ATP11B: variants seen among roughly 807,000 people sequenced by gnomAD.
ATP11B encodes the protein phospholipid-transporting ATPase IF.
In ATP11B, 81 loss-of-function variants were observed where a neutral mutation model predicts 157.8. That is an observed-to-expected ratio of 0.51 (90% CI 0.43 to 0.62). ATP11B has a LOEUF of 0.62. ATP11B is among the 20% of genes least tolerant of loss of function. The pLI, the probability that ATP11B is intolerant of heterozygous loss-of-function variation, is 0.00. For synonymous variants in ATP11B, 451 were observed against 469.4 expected (o/e 0.96, Z 0.51); for missense variants, 1,165 against 1,402.2 (o/e 0.83, Z 2.70).
intron 28 of ATP11B, among the ~76,000 whole-genome samples, chr3:182,901,200 A>G (rs1313003252): frequency 2.6e-5 from 4 of 151,800 alleles, no homozygotes; most frequent in Non-Finnish European, 5.9e-5. Context: ...AAAAATTTTT[A>G]AAAAGTAAAA....
chr3:182,915,174 T>C (rs1725058426), intron 29 of ATP11B: 1 of 984,664 alleles, frequency 1.0e-6, no homozygotes, highest in African/African-American at 1.7e-5. Context: ...GGTGAACTTG[T>C]TAGTTCTCAC....
At position 182,873,813 on chromosome 3, in the gene ATP11B, C is replaced by T. The variant is rs148648740; in HGVS notation, c.2050C>T (p.Leu684=). Residue 684 remains leucine, a splice_region_variant and synonymous_variant, in exon 19 of 30, where the codon CTA becomes TTA. Coordinates refer to ENST00000323116, the MANE Select transcript of ATP11B (RefSeq NM_014616.3). The stretch of plus-strand genomic sequence containing the variant: ...CTAATTTGTTTCTGTTCTTTTCAGA[C>T]TACAAGATAAAGTTCGAGAAACTAT... ...LLGATAVEDR[L]QDKVRETIEA... 6.2e-7 allele frequency: 1 copy of T among 1,613,298 alleles called. No homozygotes were observed. The highest frequency in any genetic ancestry group is 2.2e-5 in the East Asian group (1 of 44,858).
intron 8 of ATP11B, chr3:182,844,079 G>A (rs1279480164): frequency 6.6e-6 from 1 of 152,082 alleles, no homozygotes; most frequent in African/African-American, 2.4e-5. Flanking sequence ...CCCTAGAATG[G>A]TTAAAAAAAT....
intron 28 of ATP11B, among the ~76,000 whole-genome samples, chr3:182,904,888 TA>T (rs1004716420): frequency 0.037 from 3,801 of 101,896 alleles, 84 homozygotes; most frequent in Admixed American, 0.052. Flanking sequence ...GACTTCTTCT[TA>T]AAAAAAAAAA....
chr3:182,817,169 A>ATC (rs1717014798), intron 1 of ATP11B, among the ~76,000 whole-genome samples: 1 of 152,216 alleles, frequency 6.6e-6, no homozygotes, highest in Non-Finnish European at 1.5e-5. Context: ...AAAGTTTGTC[A>ATC]TCATTCTCCT....
intron 10 of ATP11B, among the ~76,000 whole-genome samples, chr3:182,849,615 A>G (rs1268983287): frequency 6.6e-6 from 1 of 152,216 alleles, no homozygotes; most frequent in Non-Finnish European, 1.5e-5. Context: ...CATAATTACT[A>G]AAATGGAAAC....
intron 6 of ATP11B, 81 bp from the exon 7 acceptor site, chr3:182,836,990 T>C (rs1275717433): frequency 3.2e-6 from 3 of 949,950 alleles, no homozygotes; most frequent in Non-Finnish European, 5.0e-6. Flanking sequence ...TTACTTTACC[T>C]ATAAAAGAGA....
chr3:182,806,133 A>G (rs903042953), intron 1 of ATP11B, among the ~76,000 whole-genome samples: 2 of 152,002 alleles, frequency 1.3e-5, no homozygotes, highest in Non-Finnish European at 2.9e-5. Flanking sequence ...ATTTAGCTAG[A>G]TACAGAATTC....
chr3:182,889,074 G>A (rs917960672), intron 24 of ATP11B, among the ~76,000 whole-genome samples: 2 of 151,674 alleles, frequency 1.3e-5, no homozygotes, highest in Non-Finnish European at 1.5e-5. Flanking sequence ...TGTTGGCCAG[G>A]ATGGTCTTGA....
intron 8 of ATP11B, among the ~76,000 whole-genome samples, chr3:182,845,000 TTTTTTA>T (rs1560081806): frequency 1.8e-4 from 21 of 114,174 alleles, no homozygotes; most frequent in South Asian, 8.1e-4. Flanking sequence ...TTTTATTTTT[TTTTTTA>T]TTTTTTTTTA....
At chr3:182,860,850 C>A (rs1720776586) in intron 12 of ATP11B, among the ~76,000 whole-genome samples, 1 of 152,056 alleles carries the variant, frequency 6.6e-6, no homozygotes, top group African/African-American at 2.4e-5. Context: ...ATAATCTATT[C>A]TTTTACCTCC....
intron 19 of ATP11B, among the ~76,000 whole-genome samples, chr3:182,876,598 A>G (rs988428989): frequency 6.6e-6 from 1 of 152,228 alleles, no homozygotes. Flanking sequence ...AGCAAGTTGT[A>G]TAGTGAGGGC....
chr3:182,800,784 GA>G (rs1197741482), intron 1 of ATP11B, among the ~76,000 whole-genome samples: 1 of 89,384 alleles, frequency 1.1e-5, no homozygotes, highest in Non-Finnish European at 2.4e-5. Flanking sequence ...AAATTCTTTT[GA>G]TTTTTTTTTT....
At chr3:182,811,748 G>T (rs952175645) in intron 1 of ATP11B, among the ~76,000 whole-genome samples, 5 of 152,142 alleles carry the variant, frequency 3.3e-5, no homozygotes, top group African/African-American at 1.2e-4. Context: ...CCCAATTTAA[G>T]TTGTTTATAT....
chr3:182,883,727 G>A (rs113920648), intron 21 of ATP11B, among the ~76,000 whole-genome samples: 17,962 of 150,562 alleles, frequency 0.12, 1,198 homozygotes, highest in African/African-American at 0.18. Context: ...AGGCCGAGGC[G>A]GGCGGATCAC....
intron 13 of ATP11B, 53 bp downstream of exon 13, chr3:182,865,751 C>CAACTACTGAAG: frequency 6.9e-7 from 1 of 1,456,236 alleles, no homozygotes; most frequent in Non-Finnish European, 9.3e-7. Flanking sequence ...TAATTCTCTT[C>CAACTACTGAAG]AGTAGTTGAT....
At chr3:182,862,489 G>T (rs1720917986) in intron 12 of ATP11B, among the ~76,000 whole-genome samples, 1 of 152,102 alleles carries the variant, frequency 6.6e-6, no homozygotes, top group Admixed American at 6.5e-5. Context: ...ATTCTGTCCA[G>T]TTCAGCCTAC....
At chr3:182,801,972 A>T (rs1206512994) in intron 1 of ATP11B, among the ~76,000 whole-genome samples, 2 of 152,192 alleles carry the variant, frequency 1.3e-5, no homozygotes, top group African/African-American at 4.8e-5. Flanking sequence ...CTCTGTGGGG[A>T]GAAGAAATCA....
chr3:182,842,245 G>A (rs376674648), intron 8 of ATP11B, 123 bp downstream of exon 8: 15 of 705,766 alleles, frequency 2.1e-5, no homozygotes, highest in East Asian at 1.3e-4. Context: ...TAATTTTGTT[G>A]TGTTTTGTTT....
Sources: gnomAD v4.1 joint callset for allele counts (sites outside exome capture counted in the v4.1 genomes callset) on GRCh38, gnomAD v4.1.1 for gene constraint, MANE v1.5 for transcripts, NCBI Gene and HGNC (gene_info 2026-07-23, HGNC 2026-07-21) for gene names.